Variants in TMPRSS9 observed in about 807,000 individuals in gnomAD.
TMPRSS9 encodes the protein transmembrane serine protease 9, also known as transmembrane protease serine 9.
TMPRSS9 carries 113 observed loss-of-function variants against 111.4 expected under a neutral mutation model. The observed-to-expected ratio is 1.01, with a 90% CI of 0.87 to 1.19. The LOEUF is 1.19. TMPRSS9 is among the 50% of genes most tolerant of loss of function. The probability of loss-of-function intolerance (pLI) is 0.00; values close to 1 mark genes in which losing one functional copy is unlikely to be tolerated. For missense variants in TMPRSS9, 1,803 were observed against 1,513.1 expected (o/e 1.19, Z -3.18); for synonymous variants, 805 against 659.1 (o/e 1.22, Z -3.39).
At position 2,424,046 on chromosome 19, in the gene TMPRSS9, G is replaced by A. The variant is rs1055152006; in HGVS notation, c.2549-43G>A. ...CGCCCAGGGGGGCCTTCGTGGAGGA[G>A]GTGCCCTGGGTCCGCCTGCCCACGC... On this transcript the variant is annotated intron_variant, in intron 14 of 17. Coordinates refer to ENST00000648592, the Ensembl canonical transcript of TMPRSS9. 32 of 1,250,660 alleles carry A rather than the reference G, an allele frequency of 2.6e-5. No homozygotes were observed. The African/African-American group carries it at 4.4e-4, about 17-fold the overall frequency. 77.5% of individuals were successfully genotyped at this position (1,250,660 alleles called of 1,614,324 possible). A position where few individuals can be genotyped will look rare whatever the true frequency, so the allele number is the denominator to read the frequency against.
At chr19:2,385,542 A>T (rs938010086), upstream of TMPRSS9, among the ~76,000 whole-genome samples, 4 of 152,034 alleles carry the variant, frequency 2.6e-5, no homozygotes, top group African/African-American at 9.7e-5. Context: ...GTGGGAGAAC[A>T]CCCGGAACAG....
intron 1 of TMPRSS9, among the ~76,000 whole-genome samples, chr19:2,365,685 G>C (rs543953739): frequency 2.0e-5 from 3 of 152,150 alleles, no homozygotes; most frequent in African/African-American, 7.2e-5. Flanking sequence ...GACCGAGGCT[G>C]GGGGCATGAT....
intron 1 of TMPRSS9, among the ~76,000 whole-genome samples, chr19:2,394,046 A>G (rs770029985): frequency 3.3e-5 from 5 of 152,082 alleles, no homozygotes; most frequent in Admixed American, 2.0e-4. Context: ...ACTAAAATAC[A>G]AAAAACATTA....
chr19:2,423,668 C>T (rs967657959), intron 14 of TMPRSS9, among the ~76,000 whole-genome samples: 1 of 152,064 alleles, frequency 6.6e-6, no homozygotes, highest in Non-Finnish European at 1.5e-5. Context: ...AAGGCCTTTG[C>T]GCTTGGCACC....
In TMPRSS9 at chr19:2,415,788, A is replaced by C; in HGVS notation, c.1692A>C (p.Gly564=). ...AGGAAGGGTCCCGGCACTTCTGCGG[A>C]GCAACTGTGGTGGGGGACCGCTGGC... The change falls in exon 11 of 18, where the codon GGA becomes GGC. Residue 564 remains glycine (G), a synonymous_variant. Transcript: ENST00000648592. 3 of 1,607,640 alleles carry C rather than the reference A, an allele frequency of 1.9e-6. No homozygotes were observed. In the South Asian group the frequency reaches 3.3e-5, roughly 18 times the overall value.
chr19:2,361,835 C>T (rs975422126), intron 1 of TMPRSS9, among the ~76,000 whole-genome samples: 3 of 152,010 alleles, frequency 2.0e-5, no homozygotes, highest in Non-Finnish European at 2.9e-5. Flanking sequence ...ACTGCATGGC[C>T]GGAAACACCT....
rs562724506 is a variant in TMPRSS9 at position 2,375,095 on chromosome 19, C to T, written c.-25-14666C>T. ...TATCCCCTTTTGGTCTCTTCCTCCA[C>T]GGCACTGACCTCATCCTTTCCTTCT... On this transcript the variant is annotated intron_variant, in intron 1 of 17. Coordinates refer to the TMPRSS9 transcript ENST00000649857. 4.1e-4 allele frequency among the ~76,000 whole-genome samples: 63 copies of T among 152,290 alleles called. 1 individual carries two copies. The South Asian group carries it at 5.2e-3, about 13-fold the overall frequency.
intron 8 of TMPRSS9, 50 bp downstream of exon 9, chr19:2,408,680 A>G: frequency 6.3e-7 from 1 of 1,574,948 alleles, no homozygotes; most frequent in Non-Finnish European, 8.6e-7. Flanking sequence ...CAGGCGGGCA[A>G]ATAACGCAGA....
chr19:2,423,060 T>TAAA (rs558254831), intron 14 of TMPRSS9, among the ~76,000 whole-genome samples: 1,607 of 132,828 alleles, frequency 0.012, 26 homozygotes, highest in African/African-American at 0.042. Context: ...CTAAAAAAAT[T>TAAA]AAAAAAAAAA....
chr19:2,389,853 C>T, exon 1 of TMPRSS9: 2 of 1,614,044 alleles, frequency 1.2e-6, no homozygotes, highest in Admixed American at 1.7e-5. Flanking sequence ...GCTCTGGATG[C>T]CGCGTGCTGT....
chr19:2,368,748 G>A (rs1342376539), intron 1 of TMPRSS9, among the ~76,000 whole-genome samples: 1 of 140,468 alleles, frequency 7.1e-6, no homozygotes, highest in African/African-American at 2.6e-5. Context: ...GGTTTGGGAT[G>A]TGCCAGGGCA....
At chr19:2,411,299 CAAAAA>C (rs771305642) in intron 9 of TMPRSS9, among the ~76,000 whole-genome samples, 267 of 32,162 alleles carry the variant, frequency 8.3e-3, no homozygotes, top group Middle Eastern at 0.042. Context: ...GACTCTGTCT[CAAAAA>C]AAAAAAAAAA....
exon 17 of TMPRSS9, chr19:2,425,370 G>A (rs1971592655): frequency 1.3e-6 from 2 of 1,526,746 alleles, no homozygotes; most frequent in Non-Finnish European, 1.7e-6. Context: ...CCATGGCGCG[G>A]CAGCTGCAGA....
intron 4 of TMPRSS9, among the ~76,000 whole-genome samples, chr19:2,400,722 C>A (rs1970817135): frequency 6.6e-6 from 1 of 151,940 alleles, no homozygotes; most frequent in African/African-American, 2.4e-5. Context: ...GCCTGTAATC[C>A]CAGCACTTTG....
Position 2,393,889 on chromosome 19 carries a change from C to A in TMPRSS9, c.143-2650C>A, listed in dbSNP as rs1321784351. 5.9e-5 allele frequency among the ~76,000 whole-genome samples: 6 copies of A among 102,268 alleles called. No individual in the cohort carries two copies. The Admixed American group carries it at 7.5e-4, about 13-fold the overall frequency. 67.1% of individuals were successfully genotyped at this position (102,268 alleles called of 152,430 possible). A position where few individuals can be genotyped will look rare whatever the true frequency, so the allele number is the denominator to read the frequency against. ...CTCCAACCTGGGCAACAAAGGGAGA[C>A]CATGTCTCCAAAAAAAAAAAAAAAA... On this transcript the variant is annotated intron_variant, in intron 1 of 17. Coordinates refer to ENST00000648592, the Ensembl canonical transcript of TMPRSS9.
intron 1 of TMPRSS9, among the ~76,000 whole-genome samples, chr19:2,394,159 T>G (rs1187096764): frequency 1.3e-5 from 2 of 151,970 alleles, no homozygotes; most frequent in African/African-American, 4.8e-5. Flanking sequence ...GCCAAGATCG[T>G]GCCACTGCAT....
At chr19:2,414,060 A>G in intron 10 of TMPRSS9, 42 bp downstream of exon 11, 1 of 1,478,560 alleles carries the variant, frequency 6.8e-7, no homozygotes, top group South Asian at 1.3e-5. Flanking sequence ...GTACGTGCCT[A>G]TCTTGATTTA....
intron 13 of TMPRSS9, 146 bp downstream of exon 14, chr19:2,418,284 T>G: frequency 1.4e-6 from 1 of 706,188 alleles, no homozygotes; most frequent in Non-Finnish European, 2.1e-6. Flanking sequence ...CTCCTTTTCC[T>G]TTCCTCCTTT....
At chr19:2,383,179 TC>T in intron 1 of TMPRSS9, among the ~76,000 whole-genome samples, 1 of 151,594 alleles carries the variant, frequency 6.6e-6, no homozygotes, top group East Asian at 2.0e-4. Context: ...CATAGCAAGA[TC>T]CCGTCTCTAC....
Sources: gnomAD v4.1 joint callset for allele counts (sites outside exome capture counted in the v4.1 genomes callset) on GRCh38, gnomAD v4.1.1 for gene constraint, MANE v1.5 for transcripts, NCBI Gene and HGNC (gene_info 2026-07-23, HGNC 2026-07-21) for gene names.